The following GPR4 variants were observed in gnomAD, a reference collection of about 807,000 sequenced individuals.
The protein encoded by GPR4 is G-prodeshotein coupled receptor 4.
Under a neutral mutation model 17.8 loss-of-function variants are expected in GPR4, and 11 were observed. The ratio of observed to expected loss-of-function variants is 0.62; its 90% CI spans 0.39 to 1.02. The LOEUF is 1.02. Ranked by LOEUF, GPR4 falls within the 50% of genes least tolerant of loss-of-function variation. The pLI is 0.00. For synonymous variants in GPR4, 219 were observed against 222.8 expected, an observed-to-expected ratio of 0.98 and a Z score of 0.15; for missense variants, 364 against 495.4, an observed-to-expected ratio of 0.73 and a Z score of 2.52.
chr19:45,594,818 A>T (rs532653416), intron 1 of GPR4, among the ~76,000 whole-genome samples: 138 of 66,268 alleles, frequency 2.1e-3, no homozygotes, highest in African/African-American at 8.2e-3. Flanking sequence ...CCCTGTCTCT[A>T]CTAAAAATAC....
chr19:45,591,488 G>T lies in GPR4; in HGVS notation c.379C>A (p.Arg127Ser), dbSNP rs772451809. Reference sequence around the variant, plus strand: ...ACGGCGGTCTTGACGCGGCGCAGGCGGGCGAAGCGGAGTGGGTGGGCCACA... The same window carrying T: ...ACGGCGGTCTTGACGCGGCGCAGGCTGGCGAAGCGGAGTGGGTGGGCCACA... Reference protein sequence around the residue: ...LAVAHPLRFARLRRVKTAVAV... With the variant: ...LAVAHPLRFASLRRVKTAVAV... Residue 127 changes from arginine to serine, a missense_variant, in exon 2 of 2, where the codon CGC becomes AGC. Coordinates refer to ENST00000323040, the MANE Select transcript of GPR4 (RefSeq NM_005282.3). The surrounding 1 kb of genome is among the most constrained non-coding windows in gnomAD (Gnocchi z 7.6). The T allele has an allele frequency of 1.6e-5, 25 of 1,610,362 alleles. No homozygotes were observed. In the East Asian group the frequency reaches 4.9e-4, roughly 32 times the overall value.
intron 1 of GPR4, among the ~76,000 whole-genome samples, chr19:45,594,734 G>GA (rs2122545127): frequency 6.9e-6 from 1 of 144,454 alleles, no homozygotes; most frequent in Non-Finnish European, 1.5e-5. Context: ...TGTAATCCCA[G>GA]CACTTTGGGA....
At position 45,591,219 on chromosome 19, in the gene GPR4, G is replaced by A. The variant is rs1307358894; in HGVS notation, c.648C>T (p.Arg216=). The change falls in exon 2 of 2, where the codon CGC becomes CGT. Residue 216 remains arginine (R), a synonymous_variant. Coordinates refer to ENST00000323040, the MANE Select transcript of GPR4 (RefSeq NM_005282.3). The surrounding 1 kb of genome is among the most constrained non-coding windows in gnomAD (Gnocchi z 7.6). ...GCCGCTTGATCTTGGCCTTCTCCTG[G>A]CGCTCGGTGGACACGCTGCCCCGCA... ...RAVRGSVSTE[R]QEKAKIKRLA... 6.2e-7 allele frequency: 1 copy of A among 1,613,432 alleles called. No individual in the cohort carries two copies. Among genetic ancestry groups the A allele is most frequent in the Admixed American group, 1.7e-5 (1 of 60,016 alleles).
chr19:45,590,079 G>A lies in GPR4; in HGVS notation c.*699C>T, dbSNP rs926285618. On this transcript the variant is annotated 3_prime_UTR_variant, in exon 2 of 2. Coordinates refer to ENST00000323040, the MANE Select transcript of GPR4 (RefSeq NM_005282.3). ...TAGAAACTTAGAATTGCGGTCTTAT[G>A]TTCCCTGGCCTGTATGACCAGGGGC... 2.0e-5 allele frequency: 3 copies of A among 151,940 alleles called. No homozygotes were observed. The highest frequency in any genetic ancestry group is 4.4e-5 in the Non-Finnish European group (3 of 68,016). The allele number at this position is 151,940 out of a possible 1,614,324, so 9.4% of individuals were successfully genotyped here.
intron 1 of GPR4, among the ~76,000 whole-genome samples, chr19:45,599,224 C>T (rs1292628234): frequency 6.6e-6 from 1 of 152,126 alleles, no homozygotes; most frequent in Non-Finnish European, 1.5e-5. Flanking sequence ...CCAACTTTAG[C>T]AGCCTCGGCT....
At chr19:45,597,599 A>T (rs1386366125) in intron 1 of GPR4, among the ~76,000 whole-genome samples, 1 of 152,154 alleles carries the variant, frequency 6.6e-6, no homozygotes, top group African/African-American at 2.4e-5. Flanking sequence ...TCAATAAATT[A>T]CCAAGGTCAT....
chr19:45,593,383 C>A (rs565412015), intron 1 of GPR4, among the ~76,000 whole-genome samples: 78 of 151,552 alleles, frequency 5.1e-4, no homozygotes, highest in African/African-American at 1.8e-3. Context: ...CCTGTAATCC[C>A]AGCTACACAG....
intron 1 of GPR4, among the ~76,000 whole-genome samples, chr19:45,600,914 G>GTGA (rs1970104826): frequency 6.6e-6 from 1 of 152,178 alleles, no homozygotes; most frequent in African/African-American, 2.4e-5. Context: ...TCCATTCAAA[G>GTGA]ATGTTCACAT....
rs1012739703 is a variant in GPR4, at chr19:45,594,614, G to A, written c.-831-1917C>T. Among the ~76,000 whole-genome samples, 4 of 152,258 alleles carry A rather than the reference G, an allele frequency of 2.6e-5. No individual in the cohort carries two copies. In the South Asian group the frequency reaches 6.2e-4, roughly 24 times the overall value. ...CAGAGCTGTTCCAAGACCTGTCCAA[G>A]GTCCTGATGTCTAGAGTGCAGCCAT... On this transcript the variant is annotated intron_variant, in intron 1 of 1. Coordinates refer to ENST00000323040, the MANE Select transcript of GPR4 (RefSeq NM_005282.3).
At position 45,592,134 on chromosome 19, in the gene GPR4, G is replaced by A. The variant is rs182612555; in HGVS notation, c.-268C>T. 150 of 421,750 alleles carry A rather than the reference G, an allele frequency of 3.6e-4. No individual in the cohort carries two copies. Among genetic ancestry groups the A allele is most frequent in the Middle Eastern group, 6.6e-4 (1 of 1,512 alleles). 26.1% of individuals were successfully genotyped at this position (421,750 alleles called of 1,614,324 possible). ...TGAGATTAATAAAGAGGTTTTTCAA[G>A]GAGGTTATGTATGGAGTCAGTGTGT... On this transcript the variant is annotated 5_prime_UTR_variant, in exon 2 of 2. Transcript: ENST00000323040.
chr19:45,590,168 C>T lies in GPR4; in HGVS notation c.*610G>A, dbSNP rs1026431516. The T allele has an allele frequency of 6.6e-6, 1 of 151,810 alleles. No homozygotes were observed. Among genetic ancestry groups the T allele is most frequent in the African/African-American group, 2.4e-5 (1 of 41,244 alleles). 9.4% of individuals were successfully genotyped at this position (151,810 alleles called of 1,614,324 possible). A position where few individuals can be genotyped will look rare whatever the true frequency, so the allele number is the denominator to read the frequency against. On this transcript the variant is annotated 3_prime_UTR_variant, in exon 2 of 2. Coordinates refer to ENST00000323040, the MANE Select transcript of GPR4 (RefSeq NM_005282.3). The stretch of plus-strand genomic sequence containing the variant: ...CTTCCACTTTCCCCCGAGTCACAGA[C>T]TTTTATCCACTTGTTGGAAAAAAAA...
At position 45,590,433 on chromosome 19, in the gene GPR4, G is replaced by A. The variant is rs1969977120; in HGVS notation, c.*345C>T. 4.4e-6 allele frequency: 1 copy of A among 228,284 alleles called. No homozygotes were observed. The highest frequency in any genetic ancestry group is 1.6e-4 in the South Asian group (1 of 6,382). 14.1% of individuals were successfully genotyped at this position (228,284 alleles called of 1,614,324 possible). A position where few individuals can be genotyped will look rare whatever the true frequency, so the allele number is the denominator to read the frequency against. ...CACATTTGTGGTCCCAGCTACTCGG[G>A]AGGCTGATGTGGGAAGATCGCTGGA... On this transcript the variant is annotated 3_prime_UTR_variant, in exon 2 of 2. Coordinates refer to ENST00000323040, the MANE Select transcript of GPR4 (RefSeq NM_005282.3).
intron 1 of GPR4, among the ~76,000 whole-genome samples, chr19:45,595,935 G>A (rs1970053769): frequency 6.6e-6 from 1 of 152,178 alleles, no homozygotes; most frequent in Non-Finnish European, 1.5e-5. Flanking sequence ...CCAATCCCCA[G>A]AGAGGGGACG....
intron 1 of GPR4, among the ~76,000 whole-genome samples, chr19:45,596,434 A>AC (rs1970059520): frequency 6.6e-6 from 1 of 151,880 alleles, no homozygotes; most frequent in East Asian, 1.9e-4. Context: ...CGAACTCCTG[A>AC]CCTCAGGTGA....
chr19:45,591,863 C>A lies in GPR4; in HGVS notation c.4G>T (p.Gly2Cys). The change falls in exon 2 of 2, where the codon GGC (glycine) becomes TGC (cysteine). Residue 2 changes from glycine (G) to cysteine (C), a missense_variant. Physicochemically the swap from Gly to Cys is radical, Grantham distance 159. Transcript: ENST00000323040. The surrounding 1 kb of genome is among the most constrained non-coding windows in gnomAD (Gnocchi z 7.6). M[G>C]NHTWEGCHVD... ...TGGCAGCCCTCCCACGTGTGGTTGCCCATGGTGGGCACTTCGGCTTCTGGG... is the reference window on the plus strand; with the variant it reads ...TGGCAGCCCTCCCACGTGTGGTTGCACATGGTGGGCACTTCGGCTTCTGGG... The A allele has an allele frequency of 1.3e-6, 2 of 1,550,818 alleles. No homozygotes were observed. Among genetic ancestry groups the A allele is most frequent in the Non-Finnish European group, 1.7e-6 (2 of 1,145,086 alleles).
Position 45,591,000 on chromosome 19 carries a change from G to A in GPR4, c.867C>T (p.Val289=), listed in dbSNP as rs1407460825. The part of the protein sequence containing the change: ...CVADPILYCL[V]NEGARSDVAK... ...CCACATCGCTGCGGGCGCCCTCGTT[G>A]ACCAGGCAGTAGAGGATGGGGTCCG... The change falls in exon 2 of 2, where the codon GTC becomes GTT. Residue 289 remains valine (V), a synonymous_variant. Coordinates refer to ENST00000323040, the MANE Select transcript of GPR4 (RefSeq NM_005282.3). The A allele has an allele frequency of 1.2e-6, 2 of 1,613,830 alleles. No homozygotes were observed. The highest frequency in any genetic ancestry group is 1.7e-6 in the Non-Finnish European group (2 of 1,180,054).
intron 1 of GPR4, among the ~76,000 whole-genome samples, chr19:45,594,073 T>A (rs1444574361): frequency 2.8e-3 from 232 of 83,462 alleles, no homozygotes; most frequent in East Asian, 0.012. Context: ...AATATATATA[T>A]ATATATATAT....
At chr19:45,597,925 C>T (rs142177898) in intron 1 of GPR4, among the ~76,000 whole-genome samples, 2 of 152,290 alleles carry the variant, frequency 1.3e-5, no homozygotes, top group East Asian at 3.9e-4. Context: ...TCCCCCACCC[C>T]AGACTCTTGG....
intron 1 of GPR4, among the ~76,000 whole-genome samples, chr19:45,600,128 G>A (rs1568418975): frequency 1.3e-5 from 2 of 152,094 alleles, no homozygotes; most frequent in Non-Finnish European, 2.9e-5. Flanking sequence ...CTTCATGGAG[G>A]GAAGAGAGGG....
Sources: gnomAD v4.1 joint callset for allele counts (sites outside exome capture counted in the v4.1 genomes callset) on GRCh38, gnomAD v4.1.1 for gene constraint, Gnocchi (gnomAD v3.1) non-coding constraint, MANE v1.5 for transcripts, NCBI Gene and HGNC (gene_info 2026-07-23, HGNC 2026-07-21) for gene names.